The following MBNL1 variants were observed in gnomAD, a reference collection of about 807,000 sequenced individuals.
MBNL1 encodes muscleblind like splicing regulator 1.
A neutral mutation model predicts 42.2 loss-of-function variants in MBNL1; 8 were observed. The observed-to-expected ratio is 0.19, with a 90% confidence interval of 0.11 to 0.34. The LOEUF (loss-of-function observed/expected upper bound fraction) is 0.34. Ranked by LOEUF, MBNL1 falls within the 10% of genes least tolerant of loss-of-function variation. The probability of loss-of-function intolerance (pLI) is 1.00; values close to 1 mark genes in which losing one functional copy is unlikely to be tolerated. For synonymous variants in MBNL1, 169 were observed against 173.9 expected, an observed-to-expected ratio of 0.97 and a Z score of 0.22; for missense variants, 309 against 495.3, an observed-to-expected ratio of 0.62 and a Z score of 3.57.
intron 1 of MBNL1, among the ~76,000 whole-genome samples, chr3:152,287,932 T>G (rs1164887766): frequency 6.6e-6 from 1 of 152,216 alleles, no homozygotes; most frequent in African/African-American, 2.4e-5. Flanking sequence ...GATATTGTTT[T>G]CTATTTAGCA....
chr3:152,296,227 G>A (rs545200232), intron 1 of MBNL1, among the ~76,000 whole-genome samples: 5 of 152,280 alleles, frequency 3.3e-5, no homozygotes, highest in Admixed American at 1.3e-4. Flanking sequence ...CCATGTCACC[G>A]TCTGCATGTT....
intron 1 of MBNL1, among the ~76,000 whole-genome samples, chr3:152,281,898 C>T (rs1002439113): frequency 3.9e-5 from 6 of 152,156 alleles, no homozygotes; most frequent in Non-Finnish European, 7.4e-5. Flanking sequence ...TGGAGATTTC[C>T]GATAAACTTT....
chr3:152,272,834 T>A (rs1367021822), intron 1 of MBNL1, among the ~76,000 whole-genome samples: 3 of 152,212 alleles, frequency 2.0e-5, no homozygotes, highest in African/African-American at 7.2e-5. Flanking sequence ...CCTGGAAACA[T>A]TCCTTTCAGA....
chr3:152,247,150 G>A (rs1406138059), intron 2 of MBNL1, among the ~76,000 whole-genome samples: 3 of 152,044 alleles, frequency 2.0e-5, no homozygotes, highest in Non-Finnish European at 4.4e-5. Context: ...TTGCCTGAAA[G>A]AAAGATTACA....
At chr3:152,369,166 T>C (rs1313387139) in intron 2 of MBNL1, among the ~76,000 whole-genome samples, 1 of 152,206 alleles carries the variant, frequency 6.6e-6, no homozygotes, top group Non-Finnish European at 1.5e-5. Context: ...ATAGCTCTTA[T>C]TATTTTGAGA....
At chr3:152,414,224 T>G (rs2098655594) in intron 2 of MBNL1, among the ~76,000 whole-genome samples, 1 of 152,220 alleles carries the variant, frequency 6.6e-6, no homozygotes, top group African/African-American at 2.4e-5. Context: ...TCTCCATTTT[T>G]TAAATTTTTT....
At chr3:152,440,748 C>A (rs1186427904) in intron 4 of MBNL1, among the ~76,000 whole-genome samples, 1 of 152,094 alleles carries the variant, frequency 6.6e-6, no homozygotes, top group East Asian at 1.9e-4. Context: ...TATTTTAATC[C>A]TTTTTAAATG....
upstream of MBNL1, chr3:152,268,681 C>T (rs989395265): frequency 1.4e-5 from 6 of 440,154 alleles, no homozygotes; most frequent in African/African-American, 1.2e-4. Context: ...GCTCTCGGCG[C>T]CGCTGGGCGA....
In MBNL1 at chr3:152,270,302, C is replaced by T. The variant is rs114805138; in HGVS notation, c.-790+1210C>T. On this transcript the variant is annotated intron_variant, in intron 1 of 9. Coordinates refer to ENST00000324210, the MANE Select transcript of MBNL1 (RefSeq NM_021038.5). ...CTCTGAGGAGTTTCTTAAATTAATACGCTAGGAGAGAAGTCATAATTAATG... is the reference window on the plus strand; with the variant it reads ...CTCTGAGGAGTTTCTTAAATTAATATGCTAGGAGAGAAGTCATAATTAATG... Among the ~76,000 whole-genome samples the T allele has an allele frequency of 2.3e-3, 350 of 152,256 alleles. 1 individual carries two copies. Among genetic ancestry groups the T allele is most frequent in the African/African-American group, 8.0e-3 (331 of 41,540 alleles).
chr3:152,308,591 C>A (rs1488678141), intron 2 of MBNL1, among the ~76,000 whole-genome samples: 1 of 152,130 alleles, frequency 6.6e-6, no homozygotes, highest in Non-Finnish European at 1.5e-5. Context: ...AATATGTCTT[C>A]CAAGTGACCC....
chr3:152,281,576 C>T (rs1047243732), intron 1 of MBNL1, among the ~76,000 whole-genome samples: 2 of 152,074 alleles, frequency 1.3e-5, no homozygotes, highest in Non-Finnish European at 2.9e-5. Flanking sequence ...CCCTCTGCCC[C>T]AGCACTCGCC....
At chr3:152,423,801 C>A (rs2098845320) in intron 3 of MBNL1, among the ~76,000 whole-genome samples, 1 of 152,152 alleles carries the variant, frequency 6.6e-6, no homozygotes, top group South Asian at 2.1e-4. Context: ...TAAACATAAT[C>A]CATCACATAA....
In MBNL1 at chr3:152,462,629, T is replaced by G. The variant is rs962859799; in HGVS notation, c.*263T>G. 5 of 152,204 alleles carry G rather than the reference T, an allele frequency of 3.3e-5. No homozygotes were observed. Among genetic ancestry groups the G allele is most frequent in the Non-Finnish European group, 5.9e-5 (4 of 68,008 alleles). The allele number at this position is 152,204 out of a possible 1,614,324, so 9.4% of individuals were successfully genotyped here. Reference sequence around the variant, plus strand: ...GATATTCCTGTCTAAAAGAACAACATTGTCTTTCTTTTCTAGCACAGAGTT... The same window carrying G: ...GATATTCCTGTCTAAAAGAACAACAGTGTCTTTCTTTTCTAGCACAGAGTT... On this transcript the variant is annotated 3_prime_UTR_variant, in exon 10 of 10. Transcript: ENST00000324210.
At chr3:152,282,188 C>T (rs2048893791) in intron 1 of MBNL1, among the ~76,000 whole-genome samples, 1 of 152,132 alleles carries the variant, frequency 6.6e-6, no homozygotes, top group Admixed American at 6.5e-5. Context: ...ATAGTATCCA[C>T]AGACCCTAAT....
intron 1 of MBNL1, among the ~76,000 whole-genome samples, chr3:152,295,378 G>A (rs2058125769): frequency 6.6e-6 from 1 of 152,136 alleles, no homozygotes; most frequent in South Asian, 2.1e-4. Flanking sequence ...AAGCAATGCA[G>A]ATATTTCTTG....
At chr3:152,454,420 A>G (rs1420544151) in intron 6 of MBNL1, among the ~76,000 whole-genome samples, 3 of 152,220 alleles carry the variant, frequency 2.0e-5, no homozygotes, top group Non-Finnish European at 4.4e-5. Context: ...GTATTTAAAC[A>G]GGATATGCTA....
At chr3:152,400,066 A>T (rs1380761450) in intron 2 of MBNL1, among the ~76,000 whole-genome samples, 1 of 152,176 alleles carries the variant, frequency 6.6e-6, no homozygotes, top group East Asian at 1.9e-4. Context: ...ACCTCTGGGA[A>T]CTGCAGTTTC....
intron 2 of MBNL1, among the ~76,000 whole-genome samples, chr3:152,359,463 G>C (rs1244077917): frequency 1.3e-5 from 2 of 152,162 alleles, no homozygotes; most frequent in Non-Finnish European, 2.9e-5. Flanking sequence ...GGTGGGGAAG[G>C]AGACACTGAT....
At chr3:152,461,176 C>T (rs575180366) in intron 9 of MBNL1, among the ~76,000 whole-genome samples, 1 of 152,288 alleles carries the variant, frequency 6.6e-6, no homozygotes, top group South Asian at 2.1e-4. Flanking sequence ...TGGACAAAGT[C>T]AAAGCCCATG....
Sources: allele counts gnomAD v4.1 joint callset (sites outside exome capture counted in the v4.1 genomes callset), GRCh38; gene constraint gnomAD v4.1.1; transcripts MANE v1.5; gene names NCBI Gene and HGNC (gene_info 2026-07-23, HGNC 2026-07-21).